Variants in ZNF329 observed in about 807,000 individuals in gnomAD.
ZNF329 encodes the protein zinc finger protein 329.
ZNF329 carries 15 observed loss-of-function variants against 26.6 expected under a neutral mutation model. The ratio of observed to expected loss-of-function variants is 0.56; its 90% confidence interval spans 0.38 to 0.87. The LOEUF (loss-of-function observed/expected upper bound fraction) is 0.87. ZNF329 is among the 40% of genes least tolerant of loss of function. The probability of loss-of-function intolerance (pLI) is 0.00; values close to 1 mark genes in which losing one functional copy is unlikely to be tolerated. For missense variants in ZNF329, 651 were observed against 651.9 expected, an observed-to-expected ratio of 1.00 and a Z score of 0.02; for synonymous variants, 239 against 233.5, an observed-to-expected ratio of 1.02 and a Z score of -0.21.
chr19:58,130,684 A>T (rs1215624917), intron 3 of ZNF329, among the ~76,000 whole-genome samples: 2 of 145,542 alleles, frequency 1.4e-5, no homozygotes, highest in Non-Finnish European at 3.2e-5. Context: ...AAAAAAAAAA[A>T]AAAAAAAAAA....
chr19:58,144,664 C>T (rs146682281), intron 1 of ZNF329, among the ~76,000 whole-genome samples: 393 of 150,160 alleles, frequency 2.6e-3, no homozygotes, highest in Admixed American at 4.4e-3. Context: ...GCTAGGATTA[C>T]AGGCATGAGC....
intron 1 of ZNF329, among the ~76,000 whole-genome samples, chr19:58,147,239 C>T (rs1286901184): frequency 2.0e-5 from 3 of 150,984 alleles, no homozygotes; most frequent in Non-Finnish European, 2.9e-5. Flanking sequence ...TCTGCCCAGC[C>T]GCCCCGTCTG....
intron 3 of ZNF329, among the ~76,000 whole-genome samples, chr19:58,133,015 T>C (rs937716809): frequency 8.5e-5 from 13 of 152,102 alleles, no homozygotes; most frequent in African/African-American, 3.1e-4. Context: ...GGTTTCACTA[T>C]GTTAGCCAGG....
At chr19:58,134,984 C>T (rs2146082282) in intron 3 of ZNF329, among the ~76,000 whole-genome samples, 1 of 152,018 alleles carries the variant, frequency 6.6e-6, no homozygotes, top group Non-Finnish European at 1.5e-5. Context: ...CAGAGCAAAG[C>T]CAGCTAGGTT....
upstream of ZNF329, among the ~76,000 whole-genome samples, chr19:58,154,380 C>T (rs933613865): frequency 1.3e-5 from 2 of 152,184 alleles, no homozygotes; most frequent in Non-Finnish European, 2.9e-5. Flanking sequence ...ACCTATGCCA[C>T]ACAGCACTTG....
intron 1 of ZNF329, among the ~76,000 whole-genome samples, chr19:58,147,694 C>T (rs1368074368): frequency 2.7e-5 from 4 of 147,382 alleles, no homozygotes; most frequent in East Asian, 2.0e-4. Context: ...AGATGAGGGG[C>T]GCCTCTGCCC....
intron 1 of ZNF329, among the ~76,000 whole-genome samples, chr19:58,144,396 A>T (rs440707): frequency 0.2 from 25,772 of 127,286 alleles, 3,092 homozygotes; most frequent in African/African-American, 0.28. Flanking sequence ...ATATATATAT[A>T]TTTTTTTTTT....
At position 58,128,490 on chromosome 19, in the gene ZNF329, G is replaced by A. The variant is rs781290739; in HGVS notation, c.1014C>T (p.Thr338=). ...SHLTVHLRIH[T]GEKPYECSKC... ...TGCTACACTCATAGGGCTTCTCACC[G>A]GTGTGGATTCTGAGATGCACTGTAA... Residue 338 remains threonine, a synonymous_variant, in exon 4 of 4, where the codon ACC becomes ACT. Transcript: ENST00000598312. The A allele has an allele frequency of 1.1e-4, 175 of 1,613,610 alleles. No homozygotes were observed. The Admixed American group carries it at 1.2e-3, about 11-fold the overall frequency.
At chr19:58,147,799 C>T (rs1179816580) in intron 1 of ZNF329, among the ~76,000 whole-genome samples, 5 of 148,560 alleles carry the variant, frequency 3.4e-5, no homozygotes, top group Non-Finnish European at 7.4e-5. Flanking sequence ...CCCGGCCAGC[C>T]GCCCCGTCCG....
Position 58,127,847 on chromosome 19 carries a change from T to G in ZNF329, c.*31A>C, listed in dbSNP as rs1179958610. Reference sequence around the variant, plus strand: ...CGCCTCCTAAACACAGGAGTGAGAGTGAACTGGAAGACTCATGTGGCCCCC... The same window carrying G: ...CGCCTCCTAAACACAGGAGTGAGAGGGAACTGGAAGACTCATGTGGCCCCC... On this transcript the variant is annotated 3_prime_UTR_variant, in exon 4 of 4. Coordinates refer to ENST00000598312, the MANE Select transcript of ZNF329 (RefSeq NM_024620.4). 1 of 1,540,670 alleles carries G rather than the reference T, an allele frequency of 6.5e-7. No individual in the cohort carries two copies. The highest frequency in any genetic ancestry group is 2.0e-5 in the Admixed American group (1 of 50,210).
Position 58,129,398 on chromosome 19 carries a change from C to T in ZNF329, c.106G>A (p.Asp36Asn). 6.2e-7 allele frequency: 1 copy of T among 1,614,220 alleles called. No homozygotes were observed. The highest frequency in any genetic ancestry group is 8.5e-7 in the Non-Finnish European group (1 of 1,180,040). ...REVPCLSSLG[D>N]GWDCENQEGH... ...TCCTGGTTCTCACAGTCCCAACCAT[C>T]ACCTAAACTGGACAAGCAGGGAACT... Residue 36 changes from aspartate (D) to asparagine (N), a missense_variant, in exon 4 of 4, where the codon GAT (aspartate) becomes AAT (asparagine). Physicochemically the swap from Asp to Asn is conservative, Grantham distance 23. Coordinates refer to ENST00000598312, the MANE Select transcript of ZNF329 (RefSeq NM_024620.4).
chr19:58,131,109 A>ATGTGTGTGTG (rs1397885691), intron 3 of ZNF329, among the ~76,000 whole-genome samples: 3 of 147,362 alleles, frequency 2.0e-5, no homozygotes, highest in African/African-American at 7.4e-5. Flanking sequence ...ATATACATGT[A>ATGTGTGTGTG]TATGTGTATA....
intron 3 of ZNF329, 31 bp downstream of exon 3, chr19:58,142,526 C>T (rs1361508875): frequency 6.6e-6 from 1 of 152,614 alleles, no homozygotes; most frequent in Non-Finnish European, 1.5e-5. Flanking sequence ...ATGTGCTGAG[C>T]TCATGTAGAC....
Position 58,139,575 on chromosome 19 carries a change from T to G in ZNF329, c.-9+2982A>C, listed in dbSNP as rs367825873. 3.8e-4 allele frequency among the ~76,000 whole-genome samples: 58 copies of G among 152,272 alleles called. 1 individual carries two copies. The South Asian group carries it at 0.012, about 31-fold the overall frequency. On this transcript the variant is annotated intron_variant, in intron 3 of 3. Transcript: ENST00000598312. ...TCCTGAGAGCTCTCCTGTCTCCTCT[T>G]ATAAGAGCACTGATTTCATTCAAAA...
Position 58,129,386 on chromosome 19 carries a change from A to G in ZNF329, c.118T>C (p.Cys40Arg). 3 of 1,614,222 alleles carry G rather than the reference A, an allele frequency of 1.9e-6. No individual in the cohort carries two copies. The highest frequency in any genetic ancestry group is 8.5e-7 in the Non-Finnish European group (1 of 1,180,038). ...CLSSLGDGWDCENQEGHLRQS... is the reference protein window; with the variant it reads ...CLSSLGDGWDRENQEGHLRQS... ...CTCAAGTGTCCCTCCTGGTTCTCAC[A>G]GTCCCAACCATCACCTAAACTGGAC... The change falls in exon 4 of 4, where the codon TGT (cysteine) becomes CGT (arginine). Residue 40 changes from cysteine (C) to arginine (R), a missense_variant. By Grantham distance (180) the Cys-to-Arg change is radical (BLOSUM62 -3). Coordinates refer to ENST00000598312, the MANE Select transcript of ZNF329 (RefSeq NM_024620.4).
chr19:58,133,120 G>T (rs937770977), intron 3 of ZNF329, among the ~76,000 whole-genome samples: 1 of 152,150 alleles, frequency 6.6e-6, no homozygotes, highest in Admixed American at 6.5e-5. Context: ...CCAATAGATG[G>T]TCTTAAAGGC....
intron 1 of ZNF329, among the ~76,000 whole-genome samples, chr19:58,150,218 T>C (rs149910380): frequency 3.3e-5 from 5 of 152,204 alleles, no homozygotes; most frequent in African/African-American, 7.2e-5. Flanking sequence ...AAACATGATT[T>C]TGCAAATATC....
chr19:58,147,628 C>T (rs541382267), intron 1 of ZNF329, among the ~76,000 whole-genome samples: 2,744 of 144,038 alleles, frequency 0.019, 274 homozygotes, highest in African/African-American at 0.072. Flanking sequence ...CCAGACGCCC[C>T]GTCCAGGAGG....
rs1470632633 is a variant in ZNF329 at position 58,150,740 on chromosome 19, G to C, written c.-208+12C>G. 6.5e-6 allele frequency: 1 copy of C among 152,740 alleles called. No homozygotes were observed. The highest frequency in any genetic ancestry group is 2.4e-5 in the African/African-American group (1 of 41,474). 9.5% of individuals were successfully genotyped at this position (152,740 alleles called of 1,614,324 possible). On this transcript the variant is annotated intron_variant, in intron 1 of 3. Coordinates refer to ENST00000598312, the MANE Select transcript of ZNF329 (RefSeq NM_024620.4). ...GAGGCAGCGCAGGGCTCAGGGATGC[G>C]TCGGCACTTACGGTTGGCGGCCGGC...
Sources: gnomAD v4.1 joint callset for allele counts (sites outside exome capture counted in the v4.1 genomes callset) on GRCh38, gnomAD v4.1.1 for gene constraint, MANE v1.5 for transcripts, NCBI Gene and HGNC (gene_info 2026-07-23, HGNC 2026-07-21) for gene names.